The following LNPEP variants were observed in gnomAD, a reference collection of about 807,000 sequenced individuals.
LNPEP encodes the protein leucyl-cystinyl aminopeptidase.
LNPEP carries 64 observed loss-of-function variants against 120.6 expected under a neutral mutation model. The observed-to-expected ratio is 0.53, with a 90% CI of 0.43 to 0.65. The LOEUF is 0.65. LNPEP is among the 30% of genes least tolerant of loss of function. LNPEP has a pLI of 0.00. For synonymous variants in LNPEP, 435 were observed against 425.4 expected (o/e 1.02, Z -0.28); for missense variants, 1,057 against 1,200.0 (o/e 0.88, Z 1.76).
rs180851982 is a variant in LNPEP, at chr5:96,989,917, G to A, written c.1132-3098G>A. Among the ~76,000 whole-genome samples, 110 of 152,278 alleles carry A rather than the reference G, an allele frequency of 7.2e-4. 1 individual carries two copies. Among genetic ancestry groups the A allele is most frequent in the Non-Finnish European group, 1.9e-4 (13 of 68,012 alleles). ...AAGTGGACCCTTTGGTCAAAGTTCA[G>A]TTTCATGTGAACTTTTTCTCCTGGC... On this transcript the variant is annotated intron_variant, in intron 4 of 17. Coordinates refer to ENST00000231368, the MANE Select transcript of LNPEP (RefSeq NM_005575.3).
intron 1 of LNPEP, among the ~76,000 whole-genome samples, chr5:96,971,917 A>G (rs569362260): frequency 2.0e-5 from 3 of 152,212 alleles, no homozygotes; most frequent in Non-Finnish European, 2.9e-5. Context: ...TGGCTACTCT[A>G]AAGACTCACT....
At chr5:97,001,672 G>A (rs1790653902) in intron 8 of LNPEP, among the ~76,000 whole-genome samples, 1 of 152,196 alleles carries the variant, frequency 6.6e-6, no homozygotes, top group Non-Finnish European at 1.5e-5. Context: ...GGAGGATTCA[G>A]TAGACGAGAC....
intron 1 of LNPEP, among the ~76,000 whole-genome samples, chr5:96,962,909 C>T (rs1488423046): frequency 1.3e-5 from 2 of 152,096 alleles, no homozygotes; most frequent in African/African-American, 2.4e-5. Flanking sequence ...TTTTCAGTGT[C>T]TAACCTGGTC....
chr5:96,954,743 T>C (rs1256784396), intron 1 of LNPEP, among the ~76,000 whole-genome samples: 12 of 80,620 alleles, frequency 1.5e-4, no homozygotes, highest in South Asian at 3.8e-4. Context: ...TACATATATA[T>C]ATACACATAT....
Position 97,033,622 on chromosome 5 carries a change from A to C in LNPEP, c.*5089A>C, listed in dbSNP as rs944567378. 1 of 152,130 alleles carries C rather than the reference A, an allele frequency of 6.6e-6. No homozygotes were observed. Among genetic ancestry groups the C allele is most frequent in the Admixed American group, 6.5e-5 (1 of 15,268 alleles). The allele number at this position is 152,130 out of a possible 1,614,324, so 9.4% of individuals were successfully genotyped here. A position where few individuals can be genotyped will look rare whatever the true frequency, so the allele number is the denominator to read the frequency against. On this transcript the variant is annotated 3_prime_UTR_variant, in exon 18 of 18. Transcript: ENST00000231368. ...CTTTCTTACCTTGTCCTTTACATGG[A>C]TATATGAAGAAAATTGAGGTTCAGC...
At chr5:96,964,546 C>T (rs1789682360) in intron 1 of LNPEP, among the ~76,000 whole-genome samples, 1 of 151,998 alleles carries the variant, frequency 6.6e-6, no homozygotes, top group African/African-American at 2.4e-5. Context: ...TGCATAATAT[C>T]TTATTCAGTA....
Position 96,979,230 on chromosome 5 carries a change from C to G in LNPEP, c.112C>G (p.Pro38Ala), listed in dbSNP as rs373784631. 1 of 1,613,846 alleles carries G rather than the reference C, an allele frequency of 6.2e-7. No homozygotes were observed. The highest frequency in any genetic ancestry group is 8.5e-7 in the Non-Finnish European group (1 of 1,179,870). ...VDLAKEPCLH[P>A]LEPDEVEYEP... Reference sequence around the variant, plus strand: ...TTTAGCCAAAGAGCCTTGTTTACATCCTCTAGAGCCTGATGAGGTGGAATA... The same window carrying G: ...TTTAGCCAAAGAGCCTTGTTTACATGCTCTAGAGCCTGATGAGGTGGAATA... Residue 38 changes from proline to alanine, a missense_variant, in exon 2 of 18, where the codon CCT (proline) becomes GCT (alanine). Coordinates refer to ENST00000231368, the MANE Select transcript of LNPEP (RefSeq NM_005575.3).
At position 96,936,101 on chromosome 5, in the gene LNPEP, T is replaced by A. The variant is rs1788853895; in HGVS notation, c.-55T>A. ...GCTCAGTCAGCTGGGCCGCCTCAGCTCTCGGAGTAGGAAGCTCGGGCGCTC... is the reference window on the plus strand; with the variant it reads ...GCTCAGTCAGCTGGGCCGCCTCAGCACTCGGAGTAGGAAGCTCGGGCGCTC... On this transcript the variant is annotated 5_prime_UTR_variant, in exon 1 of 18. Coordinates refer to ENST00000231368, the MANE Select transcript of LNPEP (RefSeq NM_005575.3). The A allele has an allele frequency of 2.0e-6, 3 of 1,514,150 alleles. No individual in the cohort carries two copies. Among genetic ancestry groups the A allele is most frequent in the Non-Finnish European group, 2.7e-6 (3 of 1,131,062 alleles). 93.8% of individuals were successfully genotyped at this position (1,514,150 alleles called of 1,614,324 possible).
In LNPEP at chr5:96,954,308, A is replaced by C. The variant is rs932852202; in HGVS notation, c.19+18134A>C. Among the ~76,000 whole-genome samples, 3 of 152,196 alleles carry C rather than the reference A, an allele frequency of 2.0e-5. No individual in the cohort carries two copies. In the East Asian group the frequency reaches 5.8e-4, roughly 29 times the overall value. Reference sequence around the variant, plus strand: ...ATGAAAGTAGATGATATACCTACCCATTCTAACCCATTCATTCAAAATACC... The same window carrying C: ...ATGAAAGTAGATGATATACCTACCCCTTCTAACCCATTCATTCAAAATACC... On this transcript the variant is annotated intron_variant, in intron 1 of 17. Coordinates refer to ENST00000231368, the MANE Select transcript of LNPEP (RefSeq NM_005575.3).
chr5:96,964,532 T>C (rs1468769782), intron 1 of LNPEP, among the ~76,000 whole-genome samples: 1 of 152,126 alleles, frequency 6.6e-6, no homozygotes, highest in South Asian at 2.1e-4. Context: ...AATAATTTTT[T>C]GTCTGCATAA....
At position 96,998,046 on chromosome 5, in the gene LNPEP, C is replaced by T. The variant is rs2112634481; in HGVS notation, c.1554C>T (p.Thr518=). The change falls in exon 8 of 18, where the codon ACC becomes ACT. Residue 518 remains threonine, a synonymous_variant. Transcript: ENST00000231368. Reference sequence around the variant, plus strand: ...ATTTCTTAGATGCTCGATTTAAAACCATGAAGAAAGATTCCTTAAATTCAT... The same window carrying T: ...ATTTCTTAGATGCTCGATTTAAAACTATGAAGAAAGATTCCTTAAATTCAT... ...YEDFLDARFK[T]MKKDSLNSSH... is the part of the protein sequence containing the mutation. 6.3e-7 allele frequency: 1 copy of T among 1,580,942 alleles called. No individual in the cohort carries two copies. Among genetic ancestry groups the T allele is most frequent in the East Asian group, 2.3e-5 (1 of 44,122 alleles).
chr5:97,011,147 C>T, intron 11 of LNPEP: 1 of 985,236 alleles, frequency 1.0e-6, no homozygotes, highest in African/African-American at 1.7e-5. Context: ...ATTGTCATAG[C>T]CATCATTTCT....
At chr5:97,017,045 AATAGTGT>A (rs1055647594) in intron 13 of LNPEP, among the ~76,000 whole-genome samples, 4 of 152,194 alleles carry the variant, frequency 2.6e-5, no homozygotes, top group African/African-American at 9.7e-5. Context: ...ATGCATAGTT[AATAGTGT>A]ACTATCAAAT....
At chr5:96,963,090 TG>T (rs1789645260) in intron 1 of LNPEP, among the ~76,000 whole-genome samples, 1 of 152,326 alleles carries the variant, frequency 6.6e-6, no homozygotes, top group Non-Finnish European at 1.5e-5. Flanking sequence ...AGTTGAAATT[TG>T]AAGTAATCAT....
intron 11 of LNPEP, among the ~76,000 whole-genome samples, chr5:97,009,173 C>T (rs1790865642): frequency 6.6e-6 from 1 of 152,128 alleles, no homozygotes; most frequent in Non-Finnish European, 1.5e-5. Flanking sequence ...ACACCCTTGC[C>T]TCCTCACTCC....
Position 96,987,860 on chromosome 5 carries a change from G to A in LNPEP, c.1131+1190G>A, listed in dbSNP as rs566903073. Among the ~76,000 whole-genome samples, 135 of 152,158 alleles carry A rather than the reference G, an allele frequency of 8.9e-4. 1 individual carries two copies. The highest frequency in any genetic ancestry group is 3.1e-3 in the African/African-American group (129 of 41,540). On this transcript the variant is annotated intron_variant, in intron 4 of 17. Transcript: ENST00000231368. Reference sequence around the variant, plus strand: ...CTTCAGGTGTTGCACTACATATTTAGCCTTTGATTTAGAGTTTGCAGCCTT... The same window carrying A: ...CTTCAGGTGTTGCACTACATATTTAACCTTTGATTTAGAGTTTGCAGCCTT...
rs532535369 is a variant in LNPEP at position 96,939,561 on chromosome 5, G to A, written c.19+3387G>A. 2.7e-5 allele frequency among the ~76,000 whole-genome samples: 4 copies of A among 150,862 alleles called. No individual in the cohort carries two copies. The South Asian group carries it at 8.4e-4, about 32-fold the overall frequency. Reference sequence around the variant, plus strand: ...ATATTCTAAAGTATATCTAAAGGTTGGTATTTTGGCATTTTGAGGTCCCAG... The same window carrying A: ...ATATTCTAAAGTATATCTAAAGGTTAGTATTTTGGCATTTTGAGGTCCCAG... On this transcript the variant is annotated intron_variant, in intron 1 of 17. Transcript: ENST00000231368.
chr5:97,006,007 A>C (rs1051445388), intron 9 of LNPEP, 66 bp from the exon 10 acceptor site: 36 of 471,212 alleles, frequency 7.6e-5, no homozygotes, highest in Non-Finnish European at 9.4e-5. Context: ...TTAAAATGTA[A>C]AATTTTTTAA....
At chr5:97,010,441 A>G in intron 11 of LNPEP, 1 of 984,806 alleles carries the variant, frequency 1.0e-6, no homozygotes, top group Non-Finnish European at 1.2e-6. Flanking sequence ...TTTTTCCCCT[A>G]ATAAAGGAGA....
Sources: allele counts gnomAD v4.1 joint callset (sites outside exome capture counted in the v4.1 genomes callset), GRCh38; gene constraint gnomAD v4.1.1; transcripts MANE v1.5; gene names NCBI Gene and HGNC (gene_info 2026-07-23, HGNC 2026-07-21).